Variants in FGF13 observed in about 807,000 individuals in gnomAD.
The protein encoded by FGF13 is fibroblast growth factor homologous factor 2.
In FGF13, 2 loss-of-function variants were observed where a neutral mutation model predicts 19.5. That is an observed-to-expected ratio of 0.10 (90% CI 0.04 to 0.32). The LOEUF is 0.32. Ranked by LOEUF, FGF13 falls within the 10% of genes least tolerant of loss-of-function variation. FGF13 has a pLI of 1.00. For synonymous variants in FGF13, 72 were observed against 76.9 expected (o/e 0.94, Z 0.33); for missense variants, 113 against 192.7 (o/e 0.59, Z 2.45).
In FGF13 at chrX:138,730,993, A is replaced by G. The variant is rs767981751; in HGVS notation, c.28+8249T>C. Among the ~76,000 whole-genome samples the G allele has an allele frequency of 5.4e-5, 6 of 111,731 alleles. No homozygotes were observed. The South Asian group carries it at 1.5e-3, about 28-fold the overall frequency. ...AGATAATGGGGGAAATGTCATAATT[A>G]TAAAATGGTCAATTAATCAATAATA... On this transcript the variant is annotated intron_variant, in intron 1 of 4. Coordinates refer to the FGF13 transcript ENST00000305414.
intron 1 of FGF13, among the ~76,000 whole-genome samples, chrX:139,114,408 T>C (rs1038378007): frequency 8.9e-6 from 1 of 111,985 alleles, no homozygotes; most frequent in Non-Finnish European, 1.9e-5. Flanking sequence ...TTACTGAGCA[T>C]TGACTATATG....
chrX:138,918,985 G>A (rs1433973739), intron 1 of FGF13, among the ~76,000 whole-genome samples: 2 of 111,548 alleles, frequency 1.8e-5, no homozygotes, highest in Non-Finnish European at 3.8e-5. Context: ...ATCAGCAGAA[G>A]TATTAATACT....
At chrX:138,668,995 G>A (rs1036314800) in intron 3 of FGF13, among the ~76,000 whole-genome samples, 1 of 111,250 alleles carries the variant, frequency 9.0e-6, no homozygotes, top group African/African-American at 3.3e-5. Flanking sequence ...AGAATTAGAT[G>A]AGAAAATAAA....
intron 1 of FGF13, among the ~76,000 whole-genome samples, chrX:138,949,009 C>T (rs1158596050): frequency 8.9e-6 from 1 of 111,799 alleles, no homozygotes; most frequent in East Asian, 2.8e-4. Context: ...TTCCATTGTA[C>T]AGGTGAAGAA....
At chrX:138,639,271 A>G (rs1345958807) in intron 3 of FGF13, among the ~76,000 whole-genome samples, 1 of 111,919 alleles carries the variant, frequency 8.9e-6, no homozygotes, top group African/African-American at 3.3e-5. Flanking sequence ...CAAGGAACCA[A>G]CCTACTTTGA....
At chrX:138,673,165 G>C (rs2089631261) in intron 3 of FGF13, among the ~76,000 whole-genome samples, 1 of 111,333 alleles carries the variant, frequency 9.0e-6, no homozygotes, top group African/African-American at 3.3e-5. Context: ...TTGCTGTAAA[G>C]GGAAACTGGT....
chrX:138,670,760 T>C (rs1326120920), intron 3 of FGF13, among the ~76,000 whole-genome samples: 1 of 111,641 alleles, frequency 9.0e-6, no homozygotes, highest in Non-Finnish European at 1.9e-5. Context: ...CGAACAAACT[T>C]TTCTGGAATA....
At chrX:139,140,317 A>T (rs1200464446) in intron 1 of FGF13, among the ~76,000 whole-genome samples, 1 of 111,377 alleles carries the variant, frequency 9.0e-6, no homozygotes, top group African/African-American at 3.3e-5. Flanking sequence ...CTCCAGCCAG[A>T]CACCCAGAAG....
chrX:138,747,345 T>C (rs1228453435), intron 3 of FGF13, among the ~76,000 whole-genome samples: 2 of 111,334 alleles, frequency 1.8e-5, no homozygotes, highest in Admixed American at 1.9e-4. Context: ...TTACCCTTCC[T>C]AAAAGAGAGT....
At chrX:138,835,402 C>T (rs1021890510) in intron 3 of FGF13, among the ~76,000 whole-genome samples, 4 of 111,731 alleles carry the variant, frequency 3.6e-5, no homozygotes, top group African/African-American at 9.8e-5. Flanking sequence ...TACCATTATG[C>T]GATGCGGATT....
At chrX:138,686,325 T>C (rs1253382800) in intron 3 of FGF13, among the ~76,000 whole-genome samples, 1 of 111,562 alleles carries the variant, frequency 9.0e-6, no homozygotes, top group Non-Finnish European at 1.9e-5. Context: ...AGTGTTACTG[T>C]GCTTATAAAA....
chrX:138,876,107 G>A (rs2091387916), intron 1 of FGF13, among the ~76,000 whole-genome samples: 1 of 110,276 alleles, frequency 9.1e-6, no homozygotes, highest in Non-Finnish European at 1.9e-5. Context: ...ACACATAAAG[G>A]GACCACTTGC....
intron 1 of FGF13, among the ~76,000 whole-genome samples, chrX:138,732,427 T>A (rs756302080): frequency 9.7e-4 from 108 of 111,915 alleles, no homozygotes; most frequent in Non-Finnish European, 1.5e-3. Flanking sequence ...CTTACTGATA[T>A]ACACAGAAAA....
intron 1 of FGF13, among the ~76,000 whole-genome samples, chrX:139,138,768 T>TA (rs1199031489): frequency 1.8e-5 from 2 of 111,157 alleles, no homozygotes; most frequent in Admixed American, 9.6e-5. Flanking sequence ...GCAACCTTTT[T>TA]AAAATGATTC....
intron 3 of FGF13, among the ~76,000 whole-genome samples, chrX:138,834,092 A>G (rs1335819033): frequency 9.0e-6 from 1 of 110,802 alleles, no homozygotes; most frequent in African/African-American, 3.3e-5. Context: ...TGTGTTGAGG[A>G]TATTGGCCTG....
chrX:138,840,418 C>G (rs1392416354), intron 3 of FGF13, among the ~76,000 whole-genome samples: 1 of 112,046 alleles, frequency 8.9e-6, no homozygotes, highest in Non-Finnish European at 1.9e-5. Context: ...TGTTCAGCTT[C>G]TAGCAGAAAT....
At chrX:138,769,800 C>T (rs4829942) in intron 3 of FGF13, among the ~76,000 whole-genome samples, 14 of 112,382 alleles carry the variant, frequency 1.2e-4, no homozygotes, top group Admixed American at 8.5e-4. Flanking sequence ...ACCTTGTGTC[C>T]GGCCTCTCAT....
chrX:139,003,048 C>T (rs1014653610), intron 1 of FGF13, among the ~76,000 whole-genome samples: 2 of 112,200 alleles, frequency 1.8e-5, no homozygotes, highest in African/African-American at 3.2e-5. Context: ...CCAGTGTGTC[C>T]GGAATTGGTG....
At chrX:138,904,000 T>C (rs745370499) in intron 1 of FGF13, among the ~76,000 whole-genome samples, 151 of 111,430 alleles carry the variant, frequency 1.4e-3, no homozygotes, top group African/African-American at 4.9e-3. Context: ...TGGATAGAGA[T>C]TGATTCTCTA....
Sources: allele counts gnomAD v4.1 joint callset (sites outside exome capture counted in the v4.1 genomes callset), GRCh38; gene constraint gnomAD v4.1.1; transcripts MANE v1.5; gene names NCBI Gene and HGNC (gene_info 2026-07-23, HGNC 2026-07-21).